The following SYNGR1 variants were observed in gnomAD, a reference collection of about 807,000 sequenced individuals.
The protein encoded by SYNGR1 is synaptogyrin-1.
In SYNGR1, 14 loss-of-function variants were observed where a neutral mutation model predicts 26.1. The observed-to-expected ratio is 0.54, with a 90% CI of 0.35 to 0.84. The LOEUF (loss-of-function observed/expected upper bound fraction) is 0.84, where lower values mean the gene tolerates loss of function less well. Ranked by LOEUF, SYNGR1 falls within the 40% of genes least tolerant of loss-of-function variation. The pLI is 0.01. For missense variants in SYNGR1, 319 were observed against 332.9 expected (o/e 0.96, Z 0.33); for synonymous variants, 141 against 150.1 (o/e 0.94, Z 0.44).
rs370572429 is a variant in SYNGR1 at position 39,376,154 on chromosome 22, C to G, written c.440C>G (p.Ala147Gly). Reference protein sequence around the residue: ...DNPLNEGTDAARAAIAFSFFS... With the variant: ...DNPLNEGTDAGRAAIAFSFFS... The stretch of plus-strand genomic sequence containing the variant: ...CCACTGAACGAAGGGACGGACGCAG[C>G]CCGGGCCGCCATCGCCTTCTCCTTT... The change falls in exon 3 of 4, where the codon GCC becomes GGC. Residue 147 changes from alanine to glycine, a missense_variant. Coordinates refer to ENST00000328933, the MANE Select transcript of SYNGR1 (RefSeq NM_004711.5). The G allele has an allele frequency of 1.2e-6, 2 of 1,614,088 alleles. No individual in the cohort carries two copies. Among genetic ancestry groups the G allele is most frequent in the Non-Finnish European group, 1.7e-6 (2 of 1,180,050 alleles).
chr22:39,364,108 TACC>T, intron 1 of SYNGR1: 1 of 1,605,282 alleles, frequency 6.2e-7, no homozygotes, highest in South Asian at 1.1e-5. Context: ...AGAGGGGAGA[TACC>T]ATCTCCCCTC....
chr22:39,366,271 G>A (rs550016543), intron 1 of SYNGR1, among the ~76,000 whole-genome samples: 12 of 152,000 alleles, frequency 7.9e-5, no homozygotes, highest in Non-Finnish European at 1.5e-4. Flanking sequence ...TCACAGGCGT[G>A]AGCCACCATC....
At chr22:39,370,193 G>A (rs1924956080) in intron 1 of SYNGR1, among the ~76,000 whole-genome samples, 1 of 151,532 alleles carries the variant, frequency 6.6e-6, no homozygotes, top group African/African-American at 2.4e-5. Flanking sequence ...GTGCAGTGGC[G>A]AATCTCGGCT....
In SYNGR1 at chr22:39,358,960, C is replaced by T. The variant is rs909617435; in HGVS notation, c.99+8851C>T. On this transcript the variant is annotated intron_variant, in intron 1 of 3. Coordinates refer to ENST00000328933, the MANE Select transcript of SYNGR1 (RefSeq NM_004711.5). ...AGGGGCGGCTGCGTAGCTGGGACAG[C>T]CCCAAGCTGTCAAACCCAAGCTGCA... Among the ~76,000 whole-genome samples, 12 of 152,346 alleles carry T rather than the reference C, an allele frequency of 7.9e-5. No homozygotes were observed. In the East Asian group the frequency reaches 1.9e-3, roughly 24 times the overall value.
intron 3 of SYNGR1, chr22:39,377,071 A>G: frequency 6.5e-7 from 1 of 1,550,180 alleles, no homozygotes; most frequent in South Asian, 1.2e-5. Flanking sequence ...CCCATAACCC[A>G]CAGCTGCCTC....
At chr22:39,380,533 GCCAGTA>G (rs1032266415) in intron 3 of SYNGR1, among the ~76,000 whole-genome samples, 1 of 151,436 alleles carries the variant, frequency 6.6e-6, no homozygotes, top group Admixed American at 6.6e-5. Flanking sequence ...GGGACTACAG[GCCAGTA>G]CCACTATGCC....
In SYNGR1 at chr22:39,382,037, C is replaced by G. The variant is rs1315994626; in HGVS notation, c.*123C>G. The stretch of plus-strand genomic sequence containing the variant: ...AGCCTCTGCCTTGTCCCACTGAGGT[C>G]CAGGGTAGCTCGGGGCAGGGGTGGG... On this transcript the variant is annotated 3_prime_UTR_variant, in exon 4 of 4. Transcript: ENST00000328933. 50 of 1,121,550 alleles carry G rather than the reference C, an allele frequency of 4.5e-5. No homozygotes were observed. Among genetic ancestry groups the G allele is most frequent in the Non-Finnish European group, 5.6e-5 (43 of 773,672 alleles). The allele number at this position is 1,121,550 out of a possible 1,614,324, so 69.5% of individuals were successfully genotyped here.
chr22:39,380,471 C>T (rs576975335), intron 3 of SYNGR1, among the ~76,000 whole-genome samples: 1 of 152,094 alleles, frequency 6.6e-6, no homozygotes, highest in East Asian at 1.9e-4. Flanking sequence ...CTCACTGCAG[C>T]CTCAAACCCA....
rs1301445359 is a variant in SYNGR1, at chr22:39,350,815, C to T, written c.99+706C>T. On this transcript the variant is annotated intron_variant, in intron 1 of 3. Transcript: ENST00000328933. This position sits in a 1 kb window ranked among gnomAD's most constrained non-coding sequence, Gnocchi z 4.3. ...AAGGTGGGCGGAGCCTTCTTGAGGC[C>T]CCCTTGGGCTCTGACATTTCATGAA... is the stretch of plus-strand genomic sequence containing the variant. Among the ~76,000 whole-genome samples the T allele has an allele frequency of 6.6e-6, 1 of 152,100 alleles. No individual in the cohort carries two copies. The highest frequency in any genetic ancestry group is 1.5e-5 in the Non-Finnish European group (1 of 68,018).
chr22:39,370,122 C>T (rs1924952035), intron 1 of SYNGR1, among the ~76,000 whole-genome samples: 1 of 151,994 alleles, frequency 6.6e-6, no homozygotes, highest in African/African-American at 2.4e-5. Context: ...TGCATGCCAC[C>T]ATACTCAGCT....
chr22:39,361,059 C>A (rs1924449338), intron 1 of SYNGR1, among the ~76,000 whole-genome samples: 2 of 152,230 alleles, frequency 1.3e-5, no homozygotes, highest in South Asian at 4.1e-4. Context: ...GGGCCCTGCT[C>A]AAATATCACC....
intron 1 of SYNGR1, among the ~76,000 whole-genome samples, chr22:39,373,923 G>C (rs1272123188): frequency 6.6e-6 from 1 of 152,252 alleles, no homozygotes; most frequent in Non-Finnish European, 1.5e-5. Context: ...GGAGGAGTCA[G>C]CCTGGGGGTG....
intron 1 of SYNGR1, among the ~76,000 whole-genome samples, chr22:39,363,443 A>G (rs1459195625): frequency 6.6e-6 from 1 of 151,538 alleles, no homozygotes; most frequent in East Asian, 1.9e-4. Context: ...CAGTTTTGGG[A>G]GGAGGTTGAA....
chr22:39,353,821 AC>A (rs955254671), intron 1 of SYNGR1, among the ~76,000 whole-genome samples: 3 of 152,196 alleles, frequency 2.0e-5, no homozygotes, highest in Admixed American at 2.0e-4. Context: ...GCTAAGATGG[AC>A]TATAGGGAAT....
intron 1 of SYNGR1, among the ~76,000 whole-genome samples, chr22:39,366,258 G>A (rs1457935338): frequency 6.6e-6 from 1 of 151,602 alleles, no homozygotes. Context: ...CAAAGTGCTG[G>A]GATCACAGGC....
chr22:39,377,260 CA>C, intron 3 of SYNGR1: 1 of 985,438 alleles, frequency 1.0e-6, no homozygotes, highest in South Asian at 4.7e-5. Flanking sequence ...ATCTCCCCAA[CA>C]ATATTAGAAG....
At chr22:39,372,042 A>G (rs1294651797) in intron 1 of SYNGR1, among the ~76,000 whole-genome samples, 1 of 151,602 alleles carries the variant, frequency 6.6e-6, no homozygotes, top group Non-Finnish European at 1.5e-5. Flanking sequence ...CCACTGCCTC[A>G]GGGTCTCTCA....
At chr22:39,368,539 C>T (rs971939889) in intron 1 of SYNGR1, among the ~76,000 whole-genome samples, 11 of 152,230 alleles carry the variant, frequency 7.2e-5, no homozygotes, top group Non-Finnish European at 7.3e-5. Context: ...CCAGTCCCTC[C>T]GAAGCTATTC....
chr22:39,375,907 C>T, intron 2 of SYNGR1, 145 bp from the exon 3 acceptor site: 1 of 1,102,638 alleles, frequency 9.1e-7, no homozygotes, highest in Admixed American at 1.7e-5. Context: ...CCCCTACCCC[C>T]TTTGCCTGTC....
Sources: gnomAD v4.1 joint callset for allele counts (sites outside exome capture counted in the v4.1 genomes callset) on GRCh38, gnomAD v4.1.1 for gene constraint, Gnocchi (gnomAD v3.1) non-coding constraint, MANE v1.5 for transcripts, NCBI Gene and HGNC (gene_info 2026-07-23, HGNC 2026-07-21) for gene names.